ADAMTS3: variants seen among roughly 807,000 people sequenced by gnomAD.
ADAMTS3 encodes A disintegrin and metalloproteinase with thrombospondin motifs 3.
In ADAMTS3, 73 loss-of-function variants were observed where a neutral mutation model predicts 129.0. The observed-to-expected ratio is 0.57, with a 90% CI of 0.47 to 0.69. The LOEUF (loss-of-function observed/expected upper bound fraction) is 0.69. Among genes scored for constraint, ADAMTS3 ranks in the 30% least tolerant of loss-of-function variants. The pLI, the probability that ADAMTS3 is intolerant of heterozygous loss-of-function variation, is 0.00. For synonymous variants in ADAMTS3, 477 were observed against 510.8 expected, an observed-to-expected ratio of 0.93 and a Z score of 0.89; for missense variants, 1,457 against 1,514.5, an observed-to-expected ratio of 0.96 and a Z score of 0.63.
intron 3 of ADAMTS3, among the ~76,000 whole-genome samples, chr4:72,449,859 T>C (rs1718348129): frequency 1.3e-5 from 2 of 151,756 alleles, no homozygotes; most frequent in Admixed American, 1.3e-4. Context: ...TCTGGCACTT[T>C]CTTTTTTTTC....
chr4:72,335,382 TATATTTGTATCCAAAAGGTGGACAA>T (rs1486128911), intron 5 of ADAMTS3, among the ~76,000 whole-genome samples: 1 of 152,154 alleles, frequency 6.6e-6, no homozygotes, highest in African/African-American at 2.4e-5. Flanking sequence ...ATAGATTAAA[TATATTTGTATCCAAAAGGTGGACAA>T]CTTGCATGGC....
intron 3 of ADAMTS3, among the ~76,000 whole-genome samples, chr4:72,529,947 TATA>T (rs374812601): frequency 5.2e-4 from 9 of 17,394 alleles, no homozygotes; most frequent in Admixed American, 1.5e-3. Context: ...TATATTTATA[TATA>T]ATATATAATA....
chr4:72,363,288 T>TTTCAAATTC (rs1240432978), intron 4 of ADAMTS3, among the ~76,000 whole-genome samples: 40 of 151,970 alleles, frequency 2.6e-4, no homozygotes, highest in African/African-American at 9.4e-4. Context: ...ATTCAAGAAA[T>TTTCAAATTC]AAGAAGTATG....
At chr4:72,541,647 C>T (rs190426003) in intron 3 of ADAMTS3, among the ~76,000 whole-genome samples, 121 of 152,194 alleles carry the variant, frequency 8.0e-4, no homozygotes, top group South Asian at 5.2e-3. Context: ...CATGGGGGTG[C>T]GTTTTTCCCA....
At chr4:72,549,310 G>A (rs1721551422) in intron 2 of ADAMTS3, among the ~76,000 whole-genome samples, 1 of 151,980 alleles carries the variant, frequency 6.6e-6, no homozygotes, top group Admixed American at 6.6e-5. Context: ...TTTTTTCCCT[G>A]TAGAAATCCT....
intron 3 of ADAMTS3, among the ~76,000 whole-genome samples, chr4:72,439,729 A>G (rs894967715): frequency 1.3e-5 from 2 of 151,762 alleles, no homozygotes; most frequent in Non-Finnish European, 3.0e-5. Context: ...TTTTCTTGCC[A>G]TCTTTCTCAC....
At chr4:72,532,932 G>A (rs922412305) in intron 3 of ADAMTS3, among the ~76,000 whole-genome samples, 32 of 152,118 alleles carry the variant, frequency 2.1e-4, no homozygotes, top group Non-Finnish European at 3.2e-4. Flanking sequence ...TCAGTGAGTG[G>A]TAAGTAAAAG....
At chr4:72,464,672 T>G (rs1399046023) in intron 3 of ADAMTS3, among the ~76,000 whole-genome samples, 1 of 152,046 alleles carries the variant, frequency 6.6e-6, no homozygotes, top group Non-Finnish European at 1.5e-5. Context: ...AGTCAAATAC[T>G]AATGGCAACA....
intron 3 of ADAMTS3, among the ~76,000 whole-genome samples, chr4:72,546,087 G>A (rs1056738611): frequency 6.6e-6 from 1 of 152,172 alleles, no homozygotes; most frequent in African/African-American, 2.4e-5. Context: ...AAAGTCTTAA[G>A]GCAGGTAACT....
chr4:72,414,450 G>C (rs780826314), intron 4 of ADAMTS3, among the ~76,000 whole-genome samples: 6 of 151,834 alleles, frequency 4.0e-5, no homozygotes, highest in Non-Finnish European at 8.8e-5. Context: ...TGCCATCCTA[G>C]TATACATCCT....
chr4:72,300,171 G>A (rs1718914614), intron 17 of ADAMTS3, among the ~76,000 whole-genome samples: 6 of 151,820 alleles, frequency 4.0e-5, no homozygotes, highest in Admixed American at 3.9e-4. Flanking sequence ...TTACACTCTA[G>A]CCAGATATCT....
intron 3 of ADAMTS3, among the ~76,000 whole-genome samples, chr4:72,417,931 T>TTAAAAAAAAAAAAAAAAAAAAAAAAAA (rs76545577): frequency 4.0e-5 from 4 of 100,674 alleles, no homozygotes; most frequent in Admixed American, 1.4e-4. Flanking sequence ...AGACTCCATC[T>TTAAAAAAAAAAAAAAAAAAAAAAAAAA]CAAAAAAAAA....
intron 19 of ADAMTS3, 59 bp downstream of exon 19, chr4:72,295,595 T>TA (rs1718783483): frequency 6.5e-7 from 1 of 1,547,028 alleles, no homozygotes; most frequent in African/African-American, 1.4e-5. Context: ...TAAAAAGAGC[T>TA]AAAGGCAGTG....
At chr4:72,566,111 T>TGTA (rs1033464044) in intron 2 of ADAMTS3, among the ~76,000 whole-genome samples, 3 of 152,302 alleles carry the variant, frequency 2.0e-5, no homozygotes, top group African/African-American at 7.2e-5. Flanking sequence ...TCATAAACAC[T>TGTA]GTACTTTTAG....
chr4:72,417,456 T>A (rs1009084351), intron 3 of ADAMTS3, among the ~76,000 whole-genome samples: 5 of 152,032 alleles, frequency 3.3e-5, no homozygotes, highest in Non-Finnish European at 5.9e-5. Flanking sequence ...AAGCCACAGG[T>A]AAAACAAAAT....
intron 9 of ADAMTS3, 34 bp downstream of exon 9, chr4:72,319,298 T>C: frequency 1.2e-6 from 2 of 1,612,318 alleles, no homozygotes; most frequent in Non-Finnish European, 1.7e-6. Flanking sequence ...GGCTATAAAA[T>C]AAATACTTTC....
At chr4:72,561,802 C>G (rs1651944966) in intron 2 of ADAMTS3, among the ~76,000 whole-genome samples, 1 of 152,166 alleles carries the variant, frequency 6.6e-6, no homozygotes, top group South Asian at 2.1e-4. Context: ...TTTCATGCTG[C>G]TCACAATTTG....
chr4:72,456,148 T>C (rs960884771), intron 3 of ADAMTS3, among the ~76,000 whole-genome samples: 822 of 23,066 alleles, frequency 0.036, 228 homozygotes, highest in East Asian at 0.084. Flanking sequence ...ACTATATATA[T>C]TTTATATATA....
In ADAMTS3 at chr4:72,403,903, C is replaced by T. The variant is rs1303532190; in HGVS notation, c.661+10912G>A. ...TCTCCCTGACTTTGTGTGTAGATAA[C>T]CTACTTAATAATCAGCCCTCAGAAA... On this transcript the variant is annotated intron_variant, in intron 4 of 21. Transcript: ENST00000286657. 4.6e-5 allele frequency among the ~76,000 whole-genome samples: 7 copies of T among 151,986 alleles called. No homozygotes were observed. The South Asian group carries it at 1.5e-3, about 32-fold the overall frequency.
Sources: allele counts gnomAD v4.1 joint callset (sites outside exome capture counted in the v4.1 genomes callset), GRCh38; gene constraint gnomAD v4.1.1; transcripts MANE v1.5; gene names NCBI Gene and HGNC (gene_info 2026-07-23, HGNC 2026-07-21).